The following IPMK variants were observed in gnomAD, a reference collection of about 807,000 sequenced individuals.
IPMK encodes inositol 1,3,4,6-tetrakisphosphate 5-kinase.
In IPMK, 17 loss-of-function variants were observed where a neutral mutation model predicts 45.8. The observed-to-expected ratio is 0.37, with a 90% CI of 0.25 to 0.56. The LOEUF (loss-of-function observed/expected upper bound fraction) is 0.56. IPMK is among the 20% of genes least tolerant of loss of function. IPMK has a pLI of 0.79. For synonymous variants in IPMK, 180 were observed against 184.3 expected, an observed-to-expected ratio of 0.98 and a Z score of 0.19; for missense variants, 399 against 498.0, an observed-to-expected ratio of 0.80 and a Z score of 1.89.
At chr10:58,223,510 C>T (rs2790239) in intron 3 of IPMK, among the ~76,000 whole-genome samples, 51,470 of 152,024 alleles carry the variant, frequency 0.34, 10,961 homozygotes, top group African/African-American at 0.61. Flanking sequence ...TCATAAATTA[C>T]GAAAATATGG....
At chr10:58,249,035 GATAT>G (rs1227587894) in intron 1 of IPMK, among the ~76,000 whole-genome samples, 2 of 152,076 alleles carry the variant, frequency 1.3e-5, no homozygotes, top group Non-Finnish European at 2.9e-5. Context: ...ATTTCTTTTG[GATAT>G]ATATTCAGAA....
intron 1 of IPMK, among the ~76,000 whole-genome samples, chr10:58,239,163 C>A (rs527355634): frequency 6.6e-6 from 1 of 151,816 alleles, no homozygotes; most frequent in Non-Finnish European, 1.5e-5. Flanking sequence ...AATATTTGTT[C>A]AAAATTTTAA....
At chr10:58,244,390 G>A (rs1229701086) in intron 1 of IPMK, among the ~76,000 whole-genome samples, 2 of 97,310 alleles carry the variant, frequency 2.1e-5, no homozygotes, top group African/African-American at 5.9e-5. Flanking sequence ...CTGCCCGGCC[G>A]CTCCTCGTCT....
At chr10:58,253,796 T>C (rs1051226717) in intron 1 of IPMK, among the ~76,000 whole-genome samples, 40 of 150,106 alleles carry the variant, frequency 2.7e-4, no homozygotes, top group African/African-American at 6.9e-4. Flanking sequence ...CTGGGTACAA[T>C]AGTCTTGGAG....
chr10:58,207,655 T>C lies in IPMK; in HGVS notation c.547-8334A>G, dbSNP rs34253795. Among the ~76,000 whole-genome samples, 865 of 152,242 alleles carry C rather than the reference T, an allele frequency of 5.7e-3. 4 individuals carry two copies. Among genetic ancestry groups the C allele is most frequent in the Admixed American group, 0.012 (184 of 15,296 alleles). On this transcript the variant is annotated intron_variant, in intron 4 of 5. Transcript: ENST00000373935. ...GGAGTACTGAAGTGCCCCACTATTATTGTGTGTTATCTCATTTCTTAGGTC... is the reference window on the plus strand; with the variant it reads ...GGAGTACTGAAGTGCCCCACTATTACTGTGTGTTATCTCATTTCTTAGGTC...
intron 4 of IPMK, among the ~76,000 whole-genome samples, chr10:58,205,102 T>C (rs1838052701): frequency 6.6e-6 from 1 of 152,070 alleles, no homozygotes; most frequent in African/African-American, 2.4e-5. Context: ...TAAGTCTCAA[T>C]ACAAGAGATA....
At chr10:58,238,664 T>C (rs1282154126) in intron 1 of IPMK, among the ~76,000 whole-genome samples, 1 of 152,198 alleles carries the variant, frequency 6.6e-6, no homozygotes, top group Non-Finnish European at 1.5e-5. Flanking sequence ...TTCTATCAGA[T>C]AGGTAATGTG....
chr10:58,264,751 T>G (rs557717821), intron 1 of IPMK, among the ~76,000 whole-genome samples: 37 of 152,342 alleles, frequency 2.4e-4, no homozygotes, highest in African/African-American at 8.7e-4. Context: ...ACATCCACAT[T>G]GTAGAACACA....
chr10:58,214,778 T>A (rs1332633514), intron 4 of IPMK, among the ~76,000 whole-genome samples: 1 of 152,182 alleles, frequency 6.6e-6, no homozygotes, highest in East Asian at 1.9e-4. Context: ...TATCCACAAA[T>A]TTTACCTTCA....
chr10:58,243,455 GCTGCCTCGGGCTCGGGTGATTCTC>G (rs919709298), intron 1 of IPMK, among the ~76,000 whole-genome samples: 9 of 152,206 alleles, frequency 5.9e-5, no homozygotes, highest in Admixed American at 5.2e-4. Context: ...CTGCAACCTC[GCTGCCTCGGGCTCGGGTGATTCTC>G]CTGCCTCGGC....
intron 1 of IPMK, among the ~76,000 whole-genome samples, chr10:58,263,380 C>T (rs1839102489): frequency 1.3e-5 from 2 of 152,056 alleles, no homozygotes; most frequent in African/African-American, 2.4e-5. Flanking sequence ...AAAAATTAGC[C>T]AGGCATGGTG....
intron 1 of IPMK, among the ~76,000 whole-genome samples, chr10:58,252,928 T>C (rs1230304642): frequency 6.6e-6 from 1 of 151,924 alleles, no homozygotes; most frequent in South Asian, 2.1e-4. Flanking sequence ...ATGAGGTTTT[T>C]AACTTCAGAT....
intron 2 of IPMK, among the ~76,000 whole-genome samples, chr10:58,234,389 C>T (rs1251650685): frequency 1.3e-5 from 2 of 152,032 alleles, no homozygotes; most frequent in Non-Finnish European, 2.9e-5. Context: ...AAAACTGGGG[C>T]CATTATGCTA....
intron 1 of IPMK, among the ~76,000 whole-genome samples, chr10:58,263,096 T>C (rs919094495): frequency 6.6e-6 from 1 of 152,184 alleles, no homozygotes; most frequent in East Asian, 1.9e-4. Flanking sequence ...ACATTAACTA[T>C]ATACTGAAGC....
At chr10:58,249,026 T>C (rs1360335933) in intron 1 of IPMK, among the ~76,000 whole-genome samples, 1 of 152,232 alleles carries the variant, frequency 6.6e-6, no homozygotes, top group Non-Finnish European at 1.5e-5. Context: ...AACATACTGA[T>C]TTCTTTTGGA....
At chr10:58,229,867 C>T (rs773735672) in intron 2 of IPMK, among the ~76,000 whole-genome samples, 24 of 152,052 alleles carry the variant, frequency 1.6e-4, no homozygotes, top group Non-Finnish European at 3.4e-4. Context: ...GGTCCCTCAC[C>T]AGGGAAGCAC....
At chr10:58,225,679 A>C (rs1186541095) in intron 3 of IPMK, among the ~76,000 whole-genome samples, 1 of 152,182 alleles carries the variant, frequency 6.6e-6, no homozygotes, top group Non-Finnish European at 1.5e-5. Context: ...AGCAACCTTC[A>C]TTAATTTTTC....
At chr10:58,243,993 G>A (rs557902409) in intron 1 of IPMK, among the ~76,000 whole-genome samples, 2 of 151,650 alleles carry the variant, frequency 1.3e-5, no homozygotes, top group African/African-American at 4.8e-5. Flanking sequence ...CGCCCCGTCT[G>A]GGAGGGGAAG....
At position 58,196,652 on chromosome 10, in the gene IPMK, A is replaced by G. The variant is rs1837899687; in HGVS notation, c.675T>C (p.Ala225=). 6.2e-6 allele frequency: 10 copies of G among 1,612,122 alleles called. No homozygotes were observed. The highest frequency in any genetic ancestry group is 3.3e-5 in the South Asian group (3 of 90,650). Residue 225 remains alanine, a synonymous_variant, in exon 6 of 6, where the codon GCT becomes GCC. Coordinates refer to ENST00000373935, the MANE Select transcript of IPMK (RefSeq NM_152230.5). ...FHNGYCLRKD[A]VAASIQKIEK... is the part of the protein sequence containing the mutation. ...CAATCTTCTGAATACTGGCAGCAAC[A>G]GCATCTTTTCTTAAGCAGTACCCAT...
Sources: gnomAD v4.1 joint callset for allele counts (sites outside exome capture counted in the v4.1 genomes callset) on GRCh38, gnomAD v4.1.1 for gene constraint, MANE v1.5 for transcripts, NCBI Gene and HGNC (gene_info 2026-07-23, HGNC 2026-07-21) for gene names.